The following MINAR1 variants were observed in gnomAD, a reference collection of about 807,000 sequenced individuals.
The protein encoded by MINAR1 is membrane integral NOTCH2 associated receptor 1.
Under a neutral mutation model 65.1 loss-of-function variants are expected in MINAR1, and 40 were observed. That is an observed-to-expected ratio of 0.61 (90% CI 0.48 to 0.80). The LOEUF (loss-of-function observed/expected upper bound fraction) is 0.80. MINAR1 is among the 30% of genes least tolerant of loss of function. The probability of loss-of-function intolerance (pLI) is 0.00; values close to 1 mark genes in which losing one functional copy is unlikely to be tolerated. For synonymous variants in MINAR1, 482 were observed against 449.1 expected (o/e 1.07, Z -0.93); for missense variants, 1,128 against 1,148.0 (o/e 0.98, Z 0.25).
At chr15:79,428,993 T>G (rs1388491109), upstream of MINAR1, among the ~76,000 whole-genome samples, 1 of 150,546 alleles carries the variant, frequency 6.6e-6, no homozygotes, top group African/African-American at 2.5e-5. Flanking sequence ...AGAGAGGAGG[T>G]AGGAAAGGAG....
chr15:79,446,443 T>C (rs1398287713), intron 1 of MINAR1, among the ~76,000 whole-genome samples: 2 of 152,130 alleles, frequency 1.3e-5, no homozygotes, highest in Non-Finnish European at 2.9e-5. Flanking sequence ...ACTATTTCTT[T>C]ATCTTTACTT....
chr15:79,468,058 G>A lies in MINAR1; in HGVS notation c.2554-129G>A, dbSNP rs544292661. ...TCAGGCATGGGGCTGGTGGGGCAGT[G>A]TTATGCAATACAGTCTCTAACTCCC... is the stretch of plus-strand genomic sequence containing the variant. On this transcript the variant is annotated intron_variant, in intron 3 of 3. Coordinates refer to ENST00000305428, the MANE Select transcript of MINAR1 (RefSeq NM_015206.3). 4.3e-6 allele frequency: 3 copies of A among 699,372 alleles called. No homozygotes were observed. In the African/African-American group the frequency reaches 5.4e-5, roughly 12 times the overall value. 43.3% of individuals were successfully genotyped at this position (699,372 alleles called of 1,614,324 possible).
intron 1 of MINAR1, among the ~76,000 whole-genome samples, chr15:79,440,319 T>C (rs1001432703): frequency 6.6e-6 from 1 of 152,162 alleles, no homozygotes; most frequent in African/African-American, 2.4e-5. Context: ...TAGCCTTCTC[T>C]CCATCAACCC....
In MINAR1 at chr15:79,460,672, G is replaced by C. The variant is rs188206484; in HGVS notation, c.2298+2227G>C. ...TCGCTTTCCTAAAATGCCACTCTCT[G>C]TGGTTGCGCAGGGCCCCCTATTCCC... On this transcript the variant is annotated intron_variant, in intron 2 of 3. Coordinates refer to ENST00000305428, the MANE Select transcript of MINAR1 (RefSeq NM_015206.3). Among the ~76,000 whole-genome samples the C allele has an allele frequency of 4.6e-5, 7 of 152,264 alleles. No individual in the cohort carries two copies. In the East Asian group the frequency reaches 1.3e-3, roughly 29 times the overall value.
intron 1 of MINAR1, among the ~76,000 whole-genome samples, chr15:79,442,241 TCA>T (rs1894890989): frequency 6.6e-6 from 1 of 152,222 alleles, no homozygotes; most frequent in South Asian, 2.1e-4. Flanking sequence ...TTTACTTTTG[TCA>T]ATGGCAAGAA....
chr15:79,448,965 A>G (rs982746776), intron 1 of MINAR1, among the ~76,000 whole-genome samples: 3 of 152,160 alleles, frequency 2.0e-5, no homozygotes. Context: ...AAGGGTGGGT[A>G]TTCATTTTAG....
chr15:79,413,041 A>G, the MINAR1 span: 4 of 152,272 alleles, frequency 2.6e-5, no homozygotes, highest in East Asian at 7.7e-4. Flanking sequence ...AGGTCATCAA[A>G]TAGGATACAA....
At position 79,457,892 on chromosome 15, in the gene MINAR1, C is replaced by T. The variant is rs1555429246; in HGVS notation, c.1745C>T (p.Pro582Leu). 1 of 1,614,094 alleles carries T rather than the reference C, an allele frequency of 6.2e-7. No individual in the cohort carries two copies. Among genetic ancestry groups the T allele is most frequent in the Non-Finnish European group, 8.5e-7 (1 of 1,180,028 alleles). Residue 582 changes from proline to leucine, a missense_variant, in exon 2 of 4, where the codon CCT becomes CTT. Pro to Leu is a moderately conservative substitution (Grantham distance 98, BLOSUM62 -3). Transcript: ENST00000305428. ...AGCAAGGGAGACAAGGGCAACCGGC[C>T]TGAAAACACCCACCACTCGGAAGAA... is the stretch of plus-strand genomic sequence containing the variant. ...PNSKGDKGNRPENTHHSEEEL... is the reference protein window; with the variant it reads ...PNSKGDKGNRLENTHHSEEEL...
intron 3 of MINAR1, 137 bp downstream of exon 3, chr15:79,463,458 A>C: frequency 1.0e-6 from 1 of 979,828 alleles, no homozygotes; most frequent in Non-Finnish European, 1.5e-6. Flanking sequence ...CATGGAATTC[A>C]GAACTTTAAT....
chr15:79,442,767 T>C (rs1412920478), intron 1 of MINAR1, among the ~76,000 whole-genome samples: 1 of 146,294 alleles, frequency 6.8e-6, no homozygotes, highest in Non-Finnish European at 1.5e-5. Context: ...TTATCTAGTG[T>C]TTTTACCTTA....
chr15:79,418,349 T>G, the MINAR1 span: 1 of 152,198 alleles, frequency 6.6e-6, no homozygotes, highest in African/African-American at 2.4e-5. Context: ...TAGAAGTTAT[T>G]TAAGTAAGAT....
At chr15:79,443,947 G>C (rs1435899920) in intron 1 of MINAR1, among the ~76,000 whole-genome samples, 1 of 152,176 alleles carries the variant, frequency 6.6e-6, no homozygotes, top group African/African-American at 2.4e-5. Flanking sequence ...TGCATATTCA[G>C]CAATCCTTGG....
intron 1 of MINAR1, among the ~76,000 whole-genome samples, chr15:79,451,493 G>T (rs1373680320): frequency 6.6e-6 from 1 of 152,090 alleles, no homozygotes; most frequent in Non-Finnish European, 1.5e-5. Flanking sequence ...CCTCCAAGCA[G>T]ACGGGTCTGC....
chr15:79,456,839 T>C lies in MINAR1; in HGVS notation c.692T>C (p.Leu231Pro). The change falls in exon 2 of 4, where the codon CTG becomes CCG. Residue 231 changes from leucine to proline, a missense_variant. By Grantham distance (98) the Leu-to-Pro change is moderately conservative (BLOSUM62 -3). Transcript: ENST00000305428. Reference sequence around the variant, plus strand: ...GAGTCCATTTCAGACCAGGACTCCCTGCCCATCAATCAGAGCATCAAGGAG... The same window carrying C: ...GAGTCCATTTCAGACCAGGACTCCCCGCCCATCAATCAGAGCATCAAGGAG... ...ENESISDQDSLPINQSIKETF... is the reference protein window; with the variant it reads ...ENESISDQDSPPINQSIKETF... 1.2e-6 allele frequency: 2 copies of C among 1,614,188 alleles called. No individual in the cohort carries two copies. The highest frequency in any genetic ancestry group is 1.7e-6 in the Non-Finnish European group (2 of 1,180,036).
At chr15:79,445,319 C>T (rs1283536495) in intron 1 of MINAR1, among the ~76,000 whole-genome samples, 1 of 150,122 alleles carries the variant, frequency 6.7e-6, no homozygotes, top group Non-Finnish European at 1.5e-5. Flanking sequence ...TACAGAGAGA[C>T]TATAATGTGC....
chr15:79,434,360 T>G (rs1245292159), intron 1 of MINAR1, among the ~76,000 whole-genome samples: 1 of 152,244 alleles, frequency 6.6e-6, no homozygotes, highest in Non-Finnish European at 1.5e-5. Context: ...TTATGAACTC[T>G]CTGATACTCT....
the MINAR1 span, chr15:79,422,479 T>G: frequency 1.4e-5 from 2 of 145,650 alleles, no homozygotes; most frequent in African/African-American, 2.6e-5. Flanking sequence ...ACCCGGGAGG[T>G]GGAGGTTGCA....
rs1350609059 is a variant in MINAR1, at chr15:79,463,246, C to T, written c.2478C>T (p.Gly826=). 3.1e-6 allele frequency: 5 copies of T among 1,614,216 alleles called. No individual in the cohort carries two copies. Among genetic ancestry groups the T allele is most frequent in the East Asian group, 2.2e-5 (1 of 44,870 alleles). The change falls in exon 3 of 4, where the codon GGC becomes GGT. Residue 826 remains glycine (G), a synonymous_variant. Coordinates refer to ENST00000305428, the MANE Select transcript of MINAR1 (RefSeq NM_015206.3). ...CCGAGTTGGCCGAGGTGAAGCGGGG[C>T]CAACCTTCTTGGACCATTGAGGAGT... ...RLTELAEVKR[G]QPSWTIEEYA...
the MINAR1 span, chr15:79,420,770 G>A: frequency 6.6e-6 from 1 of 152,210 alleles, no homozygotes; most frequent in African/African-American, 2.4e-5. Context: ...TACAGGGTGT[G>A]GTCACTGTTT....
Sources: gnomAD v4.1 joint callset for allele counts (sites outside exome capture counted in the v4.1 genomes callset) on GRCh38, gnomAD v4.1.1 for gene constraint, MANE v1.5 for transcripts, NCBI Gene and HGNC (gene_info 2026-07-23, HGNC 2026-07-21) for gene names.